FUT8: variants seen among roughly 807,000 people sequenced by gnomAD.
The protein encoded by FUT8 is fucosyltransferase 8, also known as alpha-(1,6)-fucosyltransferase.
FUT8 carries 29 observed loss-of-function variants against 71.3 expected under a neutral mutation model. The ratio of observed to expected loss-of-function variants is 0.41; its 90% CI spans 0.30 to 0.55. The LOEUF is 0.55. FUT8 is among the 20% of genes least tolerant of loss of function. FUT8 has a pLI of 0.34. For missense variants in FUT8, 544 were observed against 702.1 expected (o/e 0.77, Z 2.55); for synonymous variants, 254 against 239.3 (o/e 1.06, Z -0.57).
At chr14:65,700,275 TCTGA>T (rs1269392091) in intron 7 of FUT8, among the ~76,000 whole-genome samples, 1 of 152,110 alleles carries the variant, frequency 6.6e-6, no homozygotes, top group Non-Finnish European at 1.5e-5. Context: ...ACATTTCATC[TCTGA>T]CTTTCATATT....
intron 3 of FUT8, among the ~76,000 whole-genome samples, chr14:65,576,995 G>A (rs541079426): frequency 1.3e-5 from 2 of 151,696 alleles, no homozygotes; most frequent in South Asian, 2.1e-4. Flanking sequence ...GAGCCACCAC[G>A]CCTGGCCTAT....
chr14:65,563,759 G>T (rs1005889864), intron 3 of FUT8, among the ~76,000 whole-genome samples: 3 of 151,896 alleles, frequency 2.0e-5, no homozygotes, highest in Non-Finnish European at 2.9e-5. Context: ...CAAATGTCTT[G>T]TTTTTGTTGC....
intron 5 of FUT8, among the ~76,000 whole-genome samples, chr14:65,620,695 G>A (rs1487622003): frequency 1.3e-5 from 2 of 152,162 alleles, no homozygotes; most frequent in Admixed American, 6.5e-5. Flanking sequence ...GACAGAGAGA[G>A]GAAGGGAGGA....
intron 6 of FUT8, among the ~76,000 whole-genome samples, chr14:65,640,594 A>C (rs924169937): frequency 2.6e-5 from 4 of 152,132 alleles, no homozygotes; most frequent in Admixed American, 6.5e-5. Flanking sequence ...ACTTGGAAGA[A>C]TAACATCATA....
At chr14:65,473,800 G>A (rs1165820316) in intron 2 of FUT8, among the ~76,000 whole-genome samples, 3 of 152,174 alleles carry the variant, frequency 2.0e-5, no homozygotes, top group Non-Finnish European at 4.4e-5. Flanking sequence ...AGCAATTTAA[G>A]TGGAAAATCA....
rs573764962 is a variant in FUT8 at position 65,415,424 on chromosome 14, A to G, written c.-326+2210A>G. The stretch of plus-strand genomic sequence containing the variant: ...AGCTAAATGCTTAAAGATTTATTGG[A>G]TTTCTCACTTAAAAATCTCTAAAAT... On this transcript the variant is annotated intron_variant, in intron 1 of 10. Transcript: ENST00000673929. 1.4e-4 allele frequency among the ~76,000 whole-genome samples: 22 copies of G among 152,306 alleles called. 1 individual carries two copies. In the South Asian group the frequency reaches 3.7e-3, roughly 26 times the overall value.
chr14:65,599,822 C>T (rs917748269), intron 3 of FUT8, among the ~76,000 whole-genome samples: 1 of 152,148 alleles, frequency 6.6e-6, no homozygotes, highest in South Asian at 2.1e-4. Flanking sequence ...CCATTAACTA[C>T]TTTCTTTATT....
At chr14:65,692,551 G>C (rs1164843064) in intron 7 of FUT8, among the ~76,000 whole-genome samples, 1 of 144,916 alleles carries the variant, frequency 6.9e-6, no homozygotes, top group African/African-American at 2.6e-5. Flanking sequence ...CTGGCCGGGA[G>C]GGGGGCTGAC....
chr14:65,412,488 G>A (rs2065145708), upstream of FUT8: 1 of 373,596 alleles, frequency 2.7e-6, no homozygotes, highest in African/African-American at 2.1e-5. Context: ...GTAGAGGGCG[G>A]CCTACGCCTG....
At chr14:65,441,179 T>C (rs575804619) in intron 1 of FUT8, among the ~76,000 whole-genome samples, 2 of 152,200 alleles carry the variant, frequency 1.3e-5, no homozygotes, top group South Asian at 4.2e-4. Flanking sequence ...CTTTTAATTT[T>C]CTTTGTAACT....
At chr14:65,575,713 G>T (rs948496815) in intron 3 of FUT8, among the ~76,000 whole-genome samples, 1 of 151,652 alleles carries the variant, frequency 6.6e-6, no homozygotes, top group African/African-American at 2.4e-5. Flanking sequence ...CCACCTCCCG[G>T]GTTCAAGCAA....
intron 3 of FUT8, among the ~76,000 whole-genome samples, chr14:65,593,325 G>C (rs1887791325): frequency 6.6e-6 from 1 of 152,166 alleles, no homozygotes; most frequent in Admixed American, 6.5e-5. Context: ...GAATATTAAA[G>C]TTAAGAGGGG....
In FUT8 at chr14:65,611,303, C is replaced by CACACACACA. The variant is rs1566851612; in HGVS notation, c.204-4675_204-4674insACACACACA. ...CACACACACACACACACACACACACCCCCCAAGTAATAGCCTTGATTTTGC... is the reference window on the plus strand; with the variant it reads ...CACACACACACACACACACACACACCACACACACACCCCAAGTAATAGCCTTGATTTTGC... On this transcript the variant is annotated intron_variant, in intron 3 of 10. Transcript: ENST00000673929. 3.3e-4 allele frequency among the ~76,000 whole-genome samples: 14 copies of CACACACACA among 42,578 alleles called. 3 individuals carry two copies. Among genetic ancestry groups the CACACACACA allele is most frequent in the African/African-American group, 1.6e-3 (14 of 8,550 alleles). 27.9% of individuals were successfully genotyped at this position (42,578 alleles called of 152,430 possible). A position where few individuals can be genotyped will look rare whatever the true frequency, so the allele number is the denominator to read the frequency against.
intron 2 of FUT8, among the ~76,000 whole-genome samples, chr14:65,475,756 C>G (rs902283266): frequency 5.9e-5 from 9 of 151,732 alleles, no homozygotes; most frequent in African/African-American, 2.2e-4. Context: ...GCAATCCAGC[C>G]TCCGCAACAG....
chr14:65,573,763 G>A (rs1333206369), intron 3 of FUT8, among the ~76,000 whole-genome samples: 1 of 151,706 alleles, frequency 6.6e-6, no homozygotes, highest in Non-Finnish European at 1.5e-5. Context: ...AGGGCGTCAG[G>A]TTTAGTGATT....
At chr14:65,696,614 GTC>G (rs763078231) in intron 7 of FUT8, among the ~76,000 whole-genome samples, 4 of 151,986 alleles carry the variant, frequency 2.6e-5, no homozygotes, top group East Asian at 1.9e-4. Context: ...GTGGTTTTGT[GTC>G]TCTCATTAAT....
At chr14:65,719,854 G>C (rs1895322955) in intron 7 of FUT8, among the ~76,000 whole-genome samples, 1 of 152,190 alleles carries the variant, frequency 6.6e-6, no homozygotes, top group African/African-American at 2.4e-5. Context: ...TTGGGGGAGT[G>C]GTGACACAAG....
At chr14:65,734,493 C>T (rs116183666) in intron 10 of FUT8, among the ~76,000 whole-genome samples, 4,458 of 152,210 alleles carry the variant, frequency 0.029, 215 homozygotes, top group African/African-American at 0.1. Flanking sequence ...GCACAGAACA[C>T]GTAGCAGCAA....
In FUT8 at chr14:65,607,108, A is replaced by G. The variant is rs960110506; in HGVS notation, c.204-8870A>G. ...TGAACTTTATTAGTACGATTTGTAG[A>G]TTATCTTGGATTTTCTGTATTAAAG... is the stretch of plus-strand genomic sequence containing the variant. On this transcript the variant is annotated intron_variant, in intron 3 of 10. Transcript: ENST00000673929. The surrounding 1 kb of genome is among the most constrained non-coding windows in gnomAD (Gnocchi z 4.1). Among the ~76,000 whole-genome samples the G allele has an allele frequency of 6.6e-6, 1 of 151,838 alleles. No individual in the cohort carries two copies. Among genetic ancestry groups the G allele is most frequent in the East Asian group, 1.9e-4 (1 of 5,196 alleles).
Sources: gnomAD v4.1 joint callset for allele counts (sites outside exome capture counted in the v4.1 genomes callset) on GRCh38, gnomAD v4.1.1 for gene constraint, Gnocchi (gnomAD v3.1) non-coding constraint, MANE v1.5 for transcripts, NCBI Gene and HGNC (gene_info 2026-07-23, HGNC 2026-07-21) for gene names.